Variants in CATSPERE observed in about 807,000 individuals in gnomAD.
CATSPERE encodes cation channel sperm-associated auxiliary subunit epsilon.
A neutral mutation model predicts 114.1 loss-of-function variants in CATSPERE; 93 were observed. The observed-to-expected ratio is 0.81, with a 90% confidence interval of 0.69 to 0.97. The LOEUF is 0.97. CATSPERE is among the 50% of genes least tolerant of loss of function. The pLI, the probability that CATSPERE is intolerant of heterozygous loss-of-function variation, is 0.00. For synonymous variants in CATSPERE, 341 were observed against 384.1 expected, an observed-to-expected ratio of 0.89 and a Z score of 1.31; for missense variants, 1,058 against 1,131.6, an observed-to-expected ratio of 0.93 and a Z score of 0.93.
intron 8 of CATSPERE, among the ~76,000 whole-genome samples, chr1:244,539,841 G>A (rs1212021029): frequency 3.6e-4 from 49 of 137,228 alleles, no homozygotes; most frequent in Middle Eastern, 3.5e-3. Context: ...ATTTTTTATT[G>A]CGTCTATTTG....
intron 8 of CATSPERE, among the ~76,000 whole-genome samples, chr1:244,542,174 G>A (rs549691686): frequency 1.3e-3 from 185 of 143,268 alleles, no homozygotes; most frequent in African/African-American, 4.5e-3. Context: ...AAAAAAAGTA[G>A]AGCAGTGTTC....
intron 17 of CATSPERE, among the ~76,000 whole-genome samples, chr1:244,601,205 G>A (rs1669171554): frequency 6.6e-6 from 1 of 152,026 alleles, no homozygotes; most frequent in Non-Finnish European, 1.5e-5. Flanking sequence ...AGAGGGATGT[G>A]GAAATTAACC....
rs577154980 is a variant in CATSPERE at position 244,492,348 on chromosome 1, T to C, written c.351+1877T>C. Among the ~76,000 whole-genome samples, 1,429 of 152,094 alleles carry C rather than the reference T, an allele frequency of 9.4e-3. 21 individuals carry two copies. Among genetic ancestry groups the C allele is most frequent in the African/African-American group, 0.033 (1,361 of 41,466 alleles). ...AACAGAAGCAAAGACAAAAACCACA[T>C]GATTATCTCAATAGATGCAGAAAAG... On this transcript the variant is annotated intron_variant, in intron 6 of 21. Transcript: ENST00000366534.
Position 244,637,407 on chromosome 1 carries a change from C to G in CATSPERE, c.2702+1865C>G, listed in dbSNP as rs1013490173. Reference sequence around the variant, plus strand: ...TTACCACATCCTTGGTGACCTCCCTCTACTGCACTTCAGCCATCCACTCCC... The same window carrying G: ...TTACCACATCCTTGGTGACCTCCCTGTACTGCACTTCAGCCATCCACTCCC... On this transcript the variant is annotated intron_variant, in intron 21 of 21. Coordinates refer to ENST00000366534, the MANE Select transcript of CATSPERE (RefSeq NM_001130957.2). Among the ~76,000 whole-genome samples, 6 of 152,164 alleles carry G rather than the reference C, an allele frequency of 3.9e-5. No individual in the cohort carries two copies. The East Asian group carries it at 1.2e-3, about 29-fold the overall frequency.
At chr1:244,483,844 T>A (rs1670613371) in intron 5 of CATSPERE, among the ~76,000 whole-genome samples, 1 of 152,146 alleles carries the variant, frequency 6.6e-6, no homozygotes, top group South Asian at 2.1e-4. Flanking sequence ...CTTTGTGGGT[T>A]TATGCCTTTT....
At chr1:244,528,789 A>ACACGCG (rs775873171) in intron 8 of CATSPERE, among the ~76,000 whole-genome samples, 2 of 129,378 alleles carry the variant, frequency 1.5e-5, no homozygotes, top group African/African-American at 7.4e-5. Context: ...CCCCCACCAC[A>ACACGCG]CACACACACA....
chr1:244,451,568 G>C, upstream of CATSPERE: 1 of 1,499,666 alleles, frequency 6.7e-7, no homozygotes, highest in Non-Finnish European at 8.9e-7. This position sits in a 1 kb window ranked among gnomAD's most constrained non-coding sequence, Gnocchi z 6.6. Context: ...CCGAGTTCCC[G>C]GGCACCAGGA....
rs774415068 is a variant in CATSPERE at position 244,464,208 on chromosome 1, G to A, written c.114+252G>A. Reference sequence around the variant, plus strand: ...ACAATGTGATGTTATTATATAGGTAGGATAACCATTCAGTATATTGCCTAA... The same window carrying A: ...ACAATGTGATGTTATTATATAGGTAAGATAACCATTCAGTATATTGCCTAA... On this transcript the variant is annotated intron_variant, in intron 2 of 21. Transcript: ENST00000366534. Among the ~76,000 whole-genome samples, 18 of 152,218 alleles carry A rather than the reference G, an allele frequency of 1.2e-4. No individual in the cohort carries two copies. The highest frequency in any genetic ancestry group is 1.6e-4 in the Non-Finnish European group (11 of 68,006).
intron 9 of CATSPERE, among the ~76,000 whole-genome samples, chr1:244,557,447 C>T (rs1210998667): frequency 9.3e-5 from 13 of 140,104 alleles, no homozygotes; most frequent in Middle Eastern, 3.9e-3. Flanking sequence ...GATTTTTTAC[C>T]TTCTTGGTCA....
chr1:244,495,392 C>G (rs993725329), intron 6 of CATSPERE, among the ~76,000 whole-genome samples: 12 of 152,228 alleles, frequency 7.9e-5, no homozygotes, highest in Middle Eastern at 3.4e-3. Context: ...GTAAAGGGAG[C>G]TGAAACTAAC....
chr1:244,582,910 GATATATATATATATATATAT>G (rs66677443), intron 12 of CATSPERE, among the ~76,000 whole-genome samples: 32 of 142,470 alleles, frequency 2.2e-4, no homozygotes, highest in South Asian at 6.6e-4. Context: ...AACAGAATTT[GATATATATATATATATATAT>G]ATATATATAT....
chr1:244,491,162 A>G (rs1186153787), intron 6 of CATSPERE, among the ~76,000 whole-genome samples: 2 of 151,984 alleles, frequency 1.3e-5, no homozygotes, highest in Non-Finnish European at 2.9e-5. Context: ...GCACCACACC[A>G]CACCTATTCC....
chr1:244,607,147 C>A lies in CATSPERE; in HGVS notation c.2403+1353C>A, dbSNP rs1025799889. ...CAATAAAAGTTCCTCAGAGGACAAC[C>A]CTTTCCCTACAGTTCTATCGAACCA... is the stretch of plus-strand genomic sequence containing the variant. On this transcript the variant is annotated intron_variant, in intron 18 of 21. Coordinates refer to ENST00000366534, the MANE Select transcript of CATSPERE (RefSeq NM_001130957.2). The surrounding 1 kb of genome is among the most constrained non-coding windows in gnomAD (Gnocchi z 4.4). 1.3e-5 allele frequency among the ~76,000 whole-genome samples: 2 copies of A among 151,856 alleles called. No homozygotes were observed. Among genetic ancestry groups the A allele is most frequent in the Non-Finnish European group, 1.5e-5 (1 of 67,960 alleles).
intron 2 of CATSPERE, among the ~76,000 whole-genome samples, chr1:244,465,041 T>C (rs1329378310): frequency 1.3e-5 from 2 of 150,686 alleles, no homozygotes; most frequent in Non-Finnish European, 3.0e-5. Context: ...GAGGCTCCTT[T>C]TTTTTTTTTT....
intron 8 of CATSPERE, among the ~76,000 whole-genome samples, chr1:244,533,746 T>G (rs1033762254): frequency 6.6e-6 from 1 of 152,182 alleles, no homozygotes; most frequent in Non-Finnish European, 1.5e-5. Context: ...GTAGTTATTA[T>G]TTTTGATTGG....
chr1:244,547,589 T>C (rs905035005), intron 8 of CATSPERE, among the ~76,000 whole-genome samples: 2 of 118,560 alleles, frequency 1.7e-5, no homozygotes, highest in African/African-American at 4.7e-5. Context: ...AATTTCAATC[T>C]AAGTTAAGTT....
At chr1:244,582,758 C>G (rs1666375613) in intron 12 of CATSPERE, among the ~76,000 whole-genome samples, 1 of 152,092 alleles carries the variant, frequency 6.6e-6, no homozygotes. Flanking sequence ...ACTACCTGCT[C>G]TATGCCAAGC....
chr1:244,554,565 T>C (rs1257244582), intron 9 of CATSPERE, among the ~76,000 whole-genome samples: 1 of 152,180 alleles, frequency 6.6e-6, no homozygotes, highest in Non-Finnish European at 1.5e-5. Flanking sequence ...ATAACAATAA[T>C]AGCCATTCAA....
chr1:244,548,810 T>G (rs1434199852), intron 8 of CATSPERE, among the ~76,000 whole-genome samples: 3 of 152,150 alleles, frequency 2.0e-5, no homozygotes, highest in African/African-American at 7.2e-5. Context: ...GAATCATGCC[T>G]AATATATGGT....
Sources: gnomAD v4.1 joint callset for allele counts (sites outside exome capture counted in the v4.1 genomes callset) on GRCh38, gnomAD v4.1.1 for gene constraint, Gnocchi (gnomAD v3.1) non-coding constraint, MANE v1.5 for transcripts, NCBI Gene and HGNC (gene_info 2026-07-23, HGNC 2026-07-21) for gene names.